Variants in RASEF observed in about 807,000 individuals in gnomAD.
RASEF encodes RAS and EF-hand domain containing.
In RASEF, 68 loss-of-function variants were observed where a neutral mutation model predicts 90.1. The observed-to-expected ratio is 0.75, with a 90% CI of 0.62 to 0.92. The LOEUF is 0.92. Among genes scored for constraint, RASEF ranks in the 40% least tolerant of loss-of-function variants. RASEF has a pLI of 0.00. For synonymous variants in RASEF, 331 were observed against 345.2 expected, an observed-to-expected ratio of 0.96 and a Z score of 0.46; for missense variants, 949 against 937.2, an observed-to-expected ratio of 1.01 and a Z score of -0.16.
chr9:83,179,797 C>T, the RASEF span, among the ~76,000 whole-genome samples: 2 of 151,970 alleles, frequency 1.3e-5, no homozygotes, highest in East Asian at 1.9e-4. Context: ...TTGTGTAAAA[C>T]ACACACACAT....
chr9:83,025,346 C>T (rs926255075), intron 2 of RASEF, among the ~76,000 whole-genome samples: 11 of 152,080 alleles, frequency 7.2e-5, no homozygotes, highest in Non-Finnish European at 1.5e-4. Flanking sequence ...ACCTGGAGGA[C>T]GTGAAGATAT....
rs1385369203 is a variant in RASEF, at chr9:83,062,849, C to G, written c.19G>C (p.Gly7Arg). The change falls in exon 1 of 17, where the codon GGA becomes CGA. Residue 7 changes from glycine to arginine, a missense_variant. Gly to Arg is a moderately radical substitution (Grantham distance 125). This residue lies in a region of RASEF where 656 missense variants were observed against 592.2 expected (regional missense o/e 1.11). Coordinates refer to ENST00000376447, the MANE Select transcript of RASEF (RefSeq NM_152573.4). Reference sequence around the variant, plus strand: ...GAGCGCAGCCGGGCCAGCTCCTCTCCGTCCCCATCCGCCTCCATCCCGCCT... The same window carrying G: ...GAGCGCAGCCGGGCCAGCTCCTCTCGGTCCCCATCCGCCTCCATCCCGCCT... MEADGD[G>R]EELARLRSVF... 6.5e-7 allele frequency: 1 copy of G among 1,530,228 alleles called. No homozygotes were observed. The highest frequency in any genetic ancestry group is 2.6e-5 in the East Asian group (1 of 38,382). The allele number at this position is 1,530,228 out of a possible 1,614,324, so 94.8% of individuals were successfully genotyped here. A position where few individuals can be genotyped will look rare whatever the true frequency, so the allele number is the denominator to read the frequency against.
chr9:83,023,935 G>C (rs1018704678), intron 2 of RASEF, among the ~76,000 whole-genome samples: 1 of 152,188 alleles, frequency 6.6e-6, no homozygotes, highest in African/African-American at 2.4e-5. Context: ...TAATCACAGA[G>C]TGCTTGCCCC....
At position 83,063,087 on chromosome 9, in the gene RASEF, G is replaced by T. The variant is rs1830247628; in HGVS notation, c.-220C>A. The T allele has an allele frequency of 4.0e-6, 2 of 493,962 alleles. No individual in the cohort carries two copies. Among genetic ancestry groups the T allele is most frequent in the Non-Finnish European group, 6.8e-6 (2 of 291,982 alleles). The allele number at this position is 493,962 out of a possible 1,614,324, so 30.6% of individuals were successfully genotyped here. A position where few individuals can be genotyped will look rare whatever the true frequency, so the allele number is the denominator to read the frequency against. On this transcript the variant is annotated 5_prime_UTR_variant, in exon 1 of 17. Transcript: ENST00000376447. ...TCGGGCCAGCCCCCAACAGGTCCCG[G>T]GAGCGGTGGGGTGCGCCCGGGCTCC...
rs375201668 is a variant in RASEF, at chr9:83,000,226, T to C, written c.1666A>G (p.Ser556Gly). 5 of 1,613,918 alleles carry C rather than the reference T, an allele frequency of 3.1e-6. No homozygotes were observed. The highest frequency in any genetic ancestry group is 1.7e-5 in the Admixed American group (1 of 59,994). The change falls in exon 12 of 17, where the codon AGT becomes GGT. Residue 556 changes from serine to glycine, a missense_variant. Physicochemically the swap from Ser to Gly is moderately conservative, Grantham distance 56. Coordinates refer to ENST00000376447, the MANE Select transcript of RASEF (RefSeq NM_152573.4). ...TTCTTGCAAAGTCTCATGAGGAAAC[T>C]AGACTTCCCCACTGCAGCGTCCCCA... is the stretch of plus-strand genomic sequence containing the variant. ...LAGDAAVGKS[S>G]FLMRLCKNEF...
At chr9:83,190,736 G>A in the RASEF span, among the ~76,000 whole-genome samples, 1 of 152,154 alleles carries the variant, frequency 6.6e-6, no homozygotes, top group Non-Finnish European at 1.5e-5. Flanking sequence ...TGCCGATGAT[G>A]TACTTTAAAA....
chr9:83,093,523 C>G, the RASEF span, among the ~76,000 whole-genome samples: 1 of 152,242 alleles, frequency 6.6e-6, no homozygotes, highest in South Asian at 2.1e-4. Context: ...GTACACCCTC[C>G]GCAGCTGCTG....
chr9:82,997,513 G>C (rs1393564), intron 13 of RASEF, among the ~76,000 whole-genome samples: 76,932 of 151,860 alleles, frequency 0.51, 19,659 homozygotes, highest in East Asian at 0.73. Context: ...CTTATTTTTG[G>C]TGGTGGTGGT....
At chr9:83,088,378 A>ATAGATAGATAGG in the RASEF span, among the ~76,000 whole-genome samples, 68 of 150,556 alleles carry the variant, frequency 4.5e-4, no homozygotes, top group Non-Finnish European at 7.6e-4. Flanking sequence ...AGATGGATAG[A>ATAGATAGATAGG]TAGATAGATA....
At chr9:83,002,795 C>A (rs1222825777) in intron 9 of RASEF, among the ~76,000 whole-genome samples, 1 of 152,042 alleles carries the variant, frequency 6.6e-6, no homozygotes, top group Non-Finnish European at 1.5e-5. Flanking sequence ...CATCTAGACT[C>A]TAAATTGAAA....
At chr9:83,091,449 G>A in the RASEF span, among the ~76,000 whole-genome samples, 2 of 152,164 alleles carry the variant, frequency 1.3e-5, no homozygotes, top group Non-Finnish European at 2.9e-5. Context: ...CAGCTATTCA[G>A]GAAGCTGAGG....
chr9:83,182,114 T>C, the RASEF span, among the ~76,000 whole-genome samples: 1 of 152,174 alleles, frequency 6.6e-6, no homozygotes. Context: ...GACCATCCTG[T>C]AACCATGCGG....
chr9:83,146,605 C>T, the RASEF span, among the ~76,000 whole-genome samples: 1 of 152,160 alleles, frequency 6.6e-6, no homozygotes, highest in African/African-American at 2.4e-5. Flanking sequence ...AAACTCTTAT[C>T]GAATATTCAA....
chr9:83,140,389 C>A, the RASEF span, among the ~76,000 whole-genome samples: 1 of 152,202 alleles, frequency 6.6e-6, no homozygotes, highest in Non-Finnish European at 1.5e-5. Context: ...CATAACTACA[C>A]TGGCTCATAG....
chr9:83,199,840 T>C, the RASEF span, among the ~76,000 whole-genome samples: 1 of 151,594 alleles, frequency 6.6e-6, no homozygotes, highest in Non-Finnish European at 1.5e-5. Context: ...GCCTCTGGAG[T>C]TCCTGGACCT....
upstream of RASEF, among the ~76,000 whole-genome samples, chr9:83,066,441 G>A (rs970744830): frequency 1.3e-5 from 2 of 152,288 alleles, no homozygotes; most frequent in South Asian, 2.1e-4. Context: ...GGAAAGCCAC[G>A]GTCATATAAT....
At chr9:83,015,198 C>T (rs1829321097) in intron 4 of RASEF, among the ~76,000 whole-genome samples, 1 of 152,104 alleles carries the variant, frequency 6.6e-6, no homozygotes, top group African/African-American at 2.4e-5. Context: ...TTTGACATGA[C>T]CAAGAAAAAC....
intron 16 of RASEF, among the ~76,000 whole-genome samples, chr9:82,984,304 G>A (rs1828671898): frequency 6.6e-6 from 1 of 152,140 alleles, no homozygotes; most frequent in South Asian, 2.1e-4. Flanking sequence ...TCAAAATCCA[G>A]TCTATATTGA....
the RASEF span, among the ~76,000 whole-genome samples, chr9:83,188,946 G>A: frequency 6.6e-6 from 1 of 152,090 alleles, no homozygotes; most frequent in Admixed American, 6.5e-5. Context: ...CAGTTCTGTG[G>A]CTCCCTGTTT....
Sources: gnomAD v4.1 joint callset for allele counts (sites outside exome capture counted in the v4.1 genomes callset) on GRCh38, gnomAD v4.1.1 for gene constraint, gnomAD v4.1.1 regional missense constraint, MANE v1.5 for transcripts, NCBI Gene and HGNC (gene_info 2026-07-23, HGNC 2026-07-21) for gene names.